Variants in ANGPT2 observed in about 807,000 individuals in gnomAD.
ANGPT2 encodes the protein angiopoietin 2, also known as angiopoietin-2.
In ANGPT2, 28 loss-of-function variants were observed where a neutral mutation model predicts 62.9. The ratio of observed to expected loss-of-function variants is 0.44; its 90% CI spans 0.33 to 0.61. The LOEUF is 0.61. Ranked by LOEUF, ANGPT2 falls within the 20% of genes least tolerant of loss-of-function variation. The pLI, the probability that ANGPT2 is intolerant of heterozygous loss-of-function variation, is 0.03. For synonymous variants in ANGPT2, 284 were observed against 207.8 expected (o/e 1.37, Z -3.15); for missense variants, 727 against 594.9 (o/e 1.22, Z -2.31).
At chr8:6,544,344 A>G (rs1247825171) in intron 1 of ANGPT2, among the ~76,000 whole-genome samples, 2 of 152,138 alleles carry the variant, frequency 1.3e-5, no homozygotes, top group African/African-American at 4.8e-5. Context: ...CGTGATGATT[A>G]TAGTTTGACT....
chr8:6,509,650 C>G lies in ANGPT2; in HGVS notation c.1197-588G>C, dbSNP rs576927386. ...AACAAATGTCGGAGTAAGTTAGACA[C>G]TATTTACAATACAGACGATCCCTGA... On this transcript the variant is annotated intron_variant, in intron 7 of 8. Coordinates refer to ENST00000629816, the MANE Select transcript of ANGPT2 (RefSeq NM_001118887.2). 9.8e-5 allele frequency among the ~76,000 whole-genome samples: 15 copies of G among 152,316 alleles called. No individual in the cohort carries two copies. The South Asian group carries it at 2.9e-3, about 29-fold the overall frequency.
chr8:6,547,920 G>C (rs1316568674), intron 1 of ANGPT2, among the ~76,000 whole-genome samples: 1 of 149,726 alleles, frequency 6.7e-6, no homozygotes, highest in Non-Finnish European at 1.5e-5. Context: ...ACTCACTGTG[G>C]TTACTTCTCT....
intron 1 of ANGPT2, among the ~76,000 whole-genome samples, chr8:6,547,066 C>A (rs1822727808): frequency 6.6e-6 from 1 of 152,002 alleles, no homozygotes; most frequent in Admixed American, 6.6e-5. Flanking sequence ...ACCGTGGTTG[C>A]CTTCGGGCTA....
chr8:6,527,366 G>C (rs994025469), intron 3 of ANGPT2, among the ~76,000 whole-genome samples, 189 bp downstream of exon 3: 1 of 152,252 alleles, frequency 6.6e-6, no homozygotes, highest in Non-Finnish European at 1.5e-5. Flanking sequence ...ATCCAGGACT[G>C]TGTTAGGAGA....
At chr8:6,517,600 A>T (rs928255506) in intron 5 of ANGPT2, among the ~76,000 whole-genome samples, 10 of 152,170 alleles carry the variant, frequency 6.6e-5, no homozygotes, top group Non-Finnish European at 1.2e-4. Flanking sequence ...CCAGGCAGAG[A>T]AGTTGTCTGG....
chr8:6,534,375 G>T (rs550792641), intron 1 of ANGPT2, among the ~76,000 whole-genome samples: 1 of 152,102 alleles, frequency 6.6e-6, no homozygotes. Context: ...CCTGTTTTAC[G>T]GAAGAGGCTT....
intron 1 of ANGPT2, among the ~76,000 whole-genome samples, chr8:6,552,391 C>T (rs1823804547): frequency 6.6e-6 from 1 of 152,192 alleles, no homozygotes; most frequent in Non-Finnish European, 1.5e-5. Context: ...ATGCAGAATA[C>T]AGACATTTTA....
chr8:6,532,565 C>A, intron 1 of ANGPT2, 78 bp from the exon 2 acceptor site: 1 of 903,768 alleles, frequency 1.1e-6, no homozygotes, highest in Non-Finnish European at 1.5e-6. Context: ...GTCGTCTCCT[C>A]CCTATCTTTA....
chr8:6,501,586 G>A lies in ANGPT2; in HGVS notation c.*1515C>T, dbSNP rs1361200069. ...TTTTTTTTTTTTGAGATGGAGTCTT[G>A]CTCTGTTGCCCCGGCTGGAGTGCAG... On this transcript the variant is annotated 3_prime_UTR_variant, in exon 9 of 9. Transcript: ENST00000629816. The A allele has an allele frequency of 8.9e-6, 1 of 112,162 alleles. No homozygotes were observed. Among genetic ancestry groups the A allele is most frequent in the Admixed American group, 1.1e-4 (1 of 8,826 alleles). The allele number at this position is 112,162 out of a possible 1,614,324, so 6.9% of individuals were successfully genotyped here. A position where few individuals can be genotyped will look rare whatever the true frequency, so the allele number is the denominator to read the frequency against.
chr8:6,538,375 C>T (rs559721098), intron 1 of ANGPT2, among the ~76,000 whole-genome samples: 4 of 152,366 alleles, frequency 2.6e-5, no homozygotes, highest in Admixed American at 2.6e-4. Context: ...CCCAGCTGCT[C>T]TCCTTTCATC....
intron 8 of ANGPT2, among the ~76,000 whole-genome samples, chr8:6,505,798 A>T (rs1813540917): frequency 8.2e-6 from 1 of 121,268 alleles, no homozygotes; most frequent in Non-Finnish European, 1.8e-5. Context: ...ATATATAAAA[A>T]CATGCATATT....
At chr8:6,549,559 C>T (rs1035405216) in intron 1 of ANGPT2, among the ~76,000 whole-genome samples, 1 of 151,410 alleles carries the variant, frequency 6.6e-6, no homozygotes, top group Non-Finnish European at 1.5e-5. Context: ...TGAGGAGGGG[C>T]GTGAGGGAGC....
intron 1 of ANGPT2, among the ~76,000 whole-genome samples, chr8:6,533,548 C>G (rs573974520): frequency 1.4e-5 from 2 of 147,818 alleles, no homozygotes; most frequent in African/African-American, 5.0e-5. Context: ...TGCGTAACTC[C>G]AGATACTTAG....
Position 6,503,117 on chromosome 8 carries a change from C to T in ANGPT2, c.1472G>A (p.Arg491Gln). The T allele has an allele frequency of 1.9e-6, 3 of 1,614,084 alleles. No homozygotes were observed. The highest frequency in any genetic ancestry group is 2.5e-6 in the Non-Finnish European group (3 of 1,180,022). The change falls in exon 9 of 9, where the codon CGA becomes CAA. Residue 491 changes from arginine to glutamine, a missense_variant. Physicochemically the swap from Arg to Gln is conservative, Grantham distance 43. Coordinates refer to ENST00000629816, the MANE Select transcript of ANGPT2 (RefSeq NM_001118887.2). ...YSLKATTMMI[R>Q]PADF ...CTGGGATGTTTAGAAATCTGCTGGT[C>T]GGATCATCATGGTTGTGGCCTTGAG...
At position 6,528,401 on chromosome 8, in the gene ANGPT2, CAGAG is replaced by C. The variant is rs573653199; in HGVS notation, c.445-729_445-726del. On this transcript the variant is annotated intron_variant, in intron 2 of 8. Coordinates refer to ENST00000629816, the MANE Select transcript of ANGPT2 (RefSeq NM_001118887.2). Reference sequence around the variant, plus strand: ...ATTCTCATATTTATTTGTCACTAGACAGAGAGATTGGAAGTCACATGCTTCCATT... The same window carrying C: ...ATTCTCATATTTATTTGTCACTAGACAGATTGGAAGTCACATGCTTCCATT... Among the ~76,000 whole-genome samples, 221 of 152,306 alleles carry C rather than the reference CAGAG, an allele frequency of 1.5e-3. 1 individual carries two copies. Among genetic ancestry groups the C allele is most frequent in the Admixed American group, 5.1e-3 (78 of 15,308 alleles).
chr8:6,508,185 C>T (rs1427283701), intron 8 of ANGPT2: 5 of 152,204 alleles, frequency 3.3e-5, no homozygotes, highest in Non-Finnish European at 7.3e-5. Flanking sequence ...TGTGGTGGCT[C>T]ACACCTGTAA....
intron 1 of ANGPT2, among the ~76,000 whole-genome samples, chr8:6,541,309 C>G (rs2129573839): frequency 6.6e-6 from 1 of 152,224 alleles, no homozygotes; most frequent in African/African-American, 2.4e-5. Flanking sequence ...TCTCATGGGC[C>G]CCAGGCTGTG....
intron 6 of ANGPT2, 137 bp from the exon 7 acceptor site, chr8:6,513,981 C>A: frequency 1.2e-6 from 1 of 834,588 alleles, no homozygotes; most frequent in Non-Finnish European, 1.8e-6. Flanking sequence ...AATTTAGGGT[C>A]CTTCCCAAAG....
At chr8:6,527,175 G>T (rs575057267) in intron 3 of ANGPT2, among the ~76,000 whole-genome samples, 15 of 151,668 alleles carry the variant, frequency 9.9e-5, no homozygotes, top group African/African-American at 3.7e-4. Flanking sequence ...TAATAGATTA[G>T]CATGTAGAAT....
Sources: gnomAD v4.1 joint callset for allele counts (sites outside exome capture counted in the v4.1 genomes callset) on GRCh38, gnomAD v4.1.1 for gene constraint, MANE v1.5 for transcripts, NCBI Gene and HGNC (gene_info 2026-07-23, HGNC 2026-07-21) for gene names.